Variants in ZDHHC14 observed in about 807,000 individuals in gnomAD.
ZDHHC14 encodes the protein palmitoyltransferase ZDHHC14.
In ZDHHC14, 16 loss-of-function variants were observed where a neutral mutation model predicts 47.7. The ratio of observed to expected loss-of-function variants is 0.34; its 90% confidence interval spans 0.23 to 0.51. The LOEUF is 0.51. ZDHHC14 is among the 20% of genes least tolerant of loss of function. The pLI, the probability that ZDHHC14 is intolerant of heterozygous loss-of-function variation, is 0.97. For synonymous variants in ZDHHC14, 293 were observed against 278.9 expected, an observed-to-expected ratio of 1.05 and a Z score of -0.50; for missense variants, 515 against 662.5, an observed-to-expected ratio of 0.78 and a Z score of 2.44.
intron 1 of ZDHHC14, among the ~76,000 whole-genome samples, chr6:157,480,515 C>T (rs539795102): frequency 6.6e-6 from 1 of 152,310 alleles, no homozygotes; most frequent in African/African-American, 2.4e-5. Context: ...GATCCACCCA[C>T]CTCAGCCTTC....
chr6:157,647,398 A>G (rs995361497), intron 7 of ZDHHC14, 30 bp downstream of exon 7: 4 of 1,571,728 alleles, frequency 2.5e-6, no homozygotes, highest in Admixed American at 1.8e-5. Context: ...GTGCTCTTCA[A>G]CAGACCTTGG....
At chr6:157,645,261 G>A (rs1167398371) in intron 5 of ZDHHC14, among the ~76,000 whole-genome samples, 1 of 152,164 alleles carries the variant, frequency 6.6e-6, no homozygotes, top group African/African-American at 2.4e-5. Context: ...CAGGGGAGAC[G>A]CCTGTTGGCA....
At chr6:157,418,459 T>C (rs1327814877) in intron 1 of ZDHHC14, among the ~76,000 whole-genome samples, 1 of 152,206 alleles carries the variant, frequency 6.6e-6, no homozygotes, top group African/African-American at 2.4e-5. Flanking sequence ...TTCTAGAGGA[T>C]GTATGGAACA....
intron 3 of ZDHHC14, among the ~76,000 whole-genome samples, chr6:157,603,524 C>T (rs1339255843): frequency 1.3e-5 from 2 of 152,120 alleles, no homozygotes; most frequent in African/African-American, 4.8e-5. Flanking sequence ...GGCTGGAATT[C>T]AGCCCTAGGA....
chr6:157,544,367 G>A (rs994258379), intron 2 of ZDHHC14, among the ~76,000 whole-genome samples: 1 of 152,244 alleles, frequency 6.6e-6, no homozygotes, highest in Non-Finnish European at 1.5e-5. Context: ...AGTGGATGAG[G>A]CAGGGCACGG....
At chr6:157,635,415 T>C (rs145845842) in intron 5 of ZDHHC14, among the ~76,000 whole-genome samples, 58 of 152,348 alleles carry the variant, frequency 3.8e-4, no homozygotes, top group African/African-American at 1.4e-3. Context: ...GTCAAATCTT[T>C]TAATACCTGC....
intron 1 of ZDHHC14, among the ~76,000 whole-genome samples, chr6:157,444,020 C>T (rs1778611657): frequency 6.6e-6 from 1 of 152,170 alleles, no homozygotes; most frequent in South Asian, 2.1e-4. Flanking sequence ...TCTATGTGTG[C>T]TCAGCATTGC....
intron 1 of ZDHHC14, among the ~76,000 whole-genome samples, chr6:157,481,882 T>C (rs1779639583): frequency 6.6e-6 from 1 of 152,230 alleles, no homozygotes; most frequent in Non-Finnish European, 1.5e-5. Context: ...ACTTCTCTTA[T>C]TAGATTATAA....
rs1341967013 is a variant in ZDHHC14 at position 157,586,336 on chromosome 6, G to A, written c.407-6652G>A. 6.6e-6 allele frequency among the ~76,000 whole-genome samples: 1 copy of A among 152,190 alleles called. No individual in the cohort carries two copies. The highest frequency in any genetic ancestry group is 1.5e-5 in the Non-Finnish European group (1 of 68,032). On this transcript the variant is annotated intron_variant, in intron 2 of 8. Coordinates refer to ENST00000359775, the MANE Select transcript of ZDHHC14 (RefSeq NM_024630.3). This position sits in a 1 kb window ranked among gnomAD's most constrained non-coding sequence, Gnocchi z 4.6. ...GAGAAGCTGGAACTGGCCCTCAAAG[G>A]ATAGGATTATCTGCGCAGACAGCAG... is the stretch of plus-strand genomic sequence containing the variant.
chr6:157,471,445 C>A (rs992804164), intron 1 of ZDHHC14, among the ~76,000 whole-genome samples: 3 of 152,156 alleles, frequency 2.0e-5, no homozygotes, highest in African/African-American at 7.2e-5. Context: ...CCATCCAGAA[C>A]CCCCGAGGAA....
intron 1 of ZDHHC14, among the ~76,000 whole-genome samples, chr6:157,417,171 G>T (rs571181013): frequency 6.1e-4 from 92 of 151,886 alleles, no homozygotes; most frequent in African/African-American, 2.2e-3. Flanking sequence ...TTGTATCTAT[G>T]TGGGTGTACG....
rs779353287 is a variant in ZDHHC14, at chr6:157,645,760, T to G, written c.776T>G (p.Phe259Cys). 39 of 1,613,956 alleles carry G rather than the reference T, an allele frequency of 2.4e-5. No individual in the cohort carries two copies. The highest frequency in any genetic ancestry group is 3.3e-4 in the Middle Eastern group (2 of 6,066). The change falls in exon 6 of 9, where the codon TTC becomes TGC. Residue 259 changes from phenylalanine to cysteine, a missense_variant. By Grantham distance (205) the Phe-to-Cys change is radical. This residue lies in a region of ZDHHC14 where 229 missense variants were observed against 351.5 expected (regional missense o/e 0.65). Transcript: ENST00000359775. ...ACCGTCCTGGAGGCTGTGGTGTGCT[T>G]CTTCTCTGTCTGGTCCATCGTTGGC... Reference protein sequence around the residue: ...PASVLEAVVCFFSVWSIVGLS... With the variant: ...PASVLEAVVCCFSVWSIVGLS...
intron 1 of ZDHHC14, among the ~76,000 whole-genome samples, chr6:157,524,182 T>A (rs1003107117): frequency 6.6e-6 from 1 of 151,318 alleles, no homozygotes; most frequent in East Asian, 1.9e-4. Context: ...CAGGCTGGAG[T>A]GCAATGGTGT....
intron 1 of ZDHHC14, among the ~76,000 whole-genome samples, chr6:157,489,628 T>C (rs1029447209): frequency 3.3e-5 from 5 of 152,210 alleles, no homozygotes; most frequent in Admixed American, 1.3e-4. Context: ...GAACCCAAGA[T>C]GTGACCCAGC....
chr6:157,601,624 AAATGT>A (rs1562501177), intron 3 of ZDHHC14, among the ~76,000 whole-genome samples: 1 of 152,232 alleles, frequency 6.6e-6, no homozygotes. Context: ...AATAGCTGTG[AAATGT>A]AATTAGAAGA....
At chr6:157,542,458 G>A in intron 1 of ZDHHC14, 127 bp from the exon 2 acceptor site, 7 of 1,312,660 alleles carry the variant, frequency 5.3e-6, no homozygotes, top group Non-Finnish European at 5.2e-6. Context: ...ATTTTTAATG[G>A]AAATCAATTT....
intron 7 of ZDHHC14, among the ~76,000 whole-genome samples, chr6:157,652,911 AG>A (rs1777905964): frequency 6.6e-6 from 1 of 152,128 alleles, no homozygotes; most frequent in African/African-American, 2.4e-5. Context: ...GAATCAGAGA[AG>A]GGGAGAGAGG....
At chr6:157,636,269 T>C (rs1216497119) in intron 5 of ZDHHC14, among the ~76,000 whole-genome samples, 1 of 152,068 alleles carries the variant, frequency 6.6e-6, no homozygotes, top group Non-Finnish European at 1.5e-5. Flanking sequence ...TAAGCCCTCA[T>C]ATATACATGT....
intron 1 of ZDHHC14, among the ~76,000 whole-genome samples, chr6:157,408,507 G>A (rs956262714): frequency 2.0e-5 from 3 of 152,152 alleles, no homozygotes; most frequent in African/African-American, 7.2e-5. Flanking sequence ...GTGTCCATGT[G>A]TTTTCATCGT....
Sources: gnomAD v4.1 joint callset for allele counts (sites outside exome capture counted in the v4.1 genomes callset) on GRCh38, gnomAD v4.1.1 for gene constraint, gnomAD v4.1.1 regional missense constraint, Gnocchi (gnomAD v3.1) non-coding constraint, MANE v1.5 for transcripts, NCBI Gene and HGNC (gene_info 2026-07-23, HGNC 2026-07-21) for gene names.